The following WDR89 variants were observed in gnomAD, a reference collection of about 807,000 sequenced individuals.
WDR89 encodes the protein WD repeat domain 89.
In WDR89, 17 loss-of-function variants were observed where a neutral mutation model predicts 29.1. That is an observed-to-expected ratio of 0.58 (90% confidence interval 0.40 to 0.88). The LOEUF is 0.88. Ranked by LOEUF, WDR89 falls within the 40% of genes least tolerant of loss-of-function variation. The pLI is 0.00. For missense variants in WDR89, 396 were observed against 456.3 expected (o/e 0.87, Z 1.20); for synonymous variants, 138 against 157.8 (o/e 0.87, Z 0.94).
intron 1 of WDR89, among the ~76,000 whole-genome samples, chr14:63,627,501 T>C (rs1173078460): frequency 6.6e-6 from 1 of 152,178 alleles, no homozygotes; most frequent in Non-Finnish European, 1.5e-5. Flanking sequence ...TTTTGACAAA[T>C]ACATGTAATG....
intron 2 of WDR89, among the ~76,000 whole-genome samples, chr14:63,624,221 AC>A (rs1882890885): frequency 6.6e-6 from 1 of 152,114 alleles, no homozygotes; most frequent in Admixed American, 6.6e-5. Flanking sequence ...TAATCCCAGC[AC>A]TTTGGGAGGC....
In WDR89 at chr14:63,599,624, C is replaced by T; in HGVS notation, c.319G>A (p.Val107Ile). Residue 107 changes from valine (V) to isoleucine (I), a missense_variant, in exon 3 of 3, where the codon GTT (valine) becomes ATT (isoleucine). Physicochemically the swap from Val to Ile is conservative, Grantham distance 29 (BLOSUM62 3). Transcript: ENST00000620954. ...WDARVAREKPVQLFKGYPSNI... is the reference protein window; with the variant it reads ...WDARVAREKPIQLFKGYPSNI... ...GAAGGGTAACCCTTGAAGAGCTGAA[C>T]AGGTTTTTCTCTGGCTACTCGAGCA... 6.2e-7 allele frequency: 1 copy of T among 1,614,120 alleles called. No homozygotes were observed. The highest frequency in any genetic ancestry group is 8.5e-7 in the Non-Finnish European group (1 of 1,180,002).
chr14:63,599,874 G>A lies in WDR89; in HGVS notation c.69C>T (p.Pro23=). 3 of 1,613,882 alleles carry A rather than the reference G, an allele frequency of 1.9e-6. No individual in the cohort carries two copies. Among genetic ancestry groups the A allele is most frequent in the Non-Finnish European group, 2.5e-6 (3 of 1,179,936 alleles). ...IVKCSLGTKE[P]TYLLGIDTSK... ...ATGTGTCTATACCAAGAAGGTAAGTGGGCTCTTTGGTTCCTAAGGAACATT... is the reference window on the plus strand; with the variant it reads ...ATGTGTCTATACCAAGAAGGTAAGTAGGCTCTTTGGTTCCTAAGGAACATT... Residue 23 remains proline (P), a synonymous_variant, in exon 3 of 3, where the codon CCC becomes CCT. Transcript: ENST00000620954.
intron 2 of WDR89, among the ~76,000 whole-genome samples, chr14:63,622,675 A>G (rs1185492378): frequency 5.9e-5 from 9 of 151,756 alleles, no homozygotes; most frequent in Admixed American, 4.6e-4. Context: ...GCTGAGGCAC[A>G]AGAATTGCTT....
At chr14:63,637,787 C>A (rs773136482) in intron 1 of WDR89, among the ~76,000 whole-genome samples, 1 of 151,808 alleles carries the variant, frequency 6.6e-6, no homozygotes, top group Non-Finnish European at 1.5e-5. Context: ...ATACAATGGA[C>A]TTTGGGGACT....
At chr14:63,609,828 C>A (rs1173417704) in intron 2 of WDR89, among the ~76,000 whole-genome samples, 1 of 151,522 alleles carries the variant, frequency 6.6e-6, no homozygotes, top group Admixed American at 6.6e-5. Context: ...AAAACAAAAC[C>A]AAAAAAGCAT....
At chr14:63,614,299 TTTTC>T (rs2139522345) in intron 2 of WDR89, among the ~76,000 whole-genome samples, 1 of 151,406 alleles carries the variant, frequency 6.6e-6, no homozygotes, top group Non-Finnish European at 1.5e-5. Context: ...ATATCCTTTC[TTTTC>T]TTTTTTTCTT....
chr14:63,637,249 G>A (rs1437409818), intron 1 of WDR89, among the ~76,000 whole-genome samples: 1 of 152,086 alleles, frequency 6.6e-6, no homozygotes, highest in Non-Finnish European at 1.5e-5. Flanking sequence ...CATAAGTGAA[G>A]AATAAAAAAA....
At chr14:63,602,184 G>T (rs1895094556) in intron 2 of WDR89, among the ~76,000 whole-genome samples, 1 of 152,158 alleles carries the variant, frequency 6.6e-6, no homozygotes, top group Non-Finnish European at 1.5e-5. Context: ...CTACACAATA[G>T]ATGTAATAGG....
rs190725322 is a variant in WDR89, at chr14:63,605,828, C to T, written c.-31-5855G>A. On this transcript the variant is annotated intron_variant, in intron 2 of 2. Transcript: ENST00000620954. ...TTATTGAAAGGAAGTTAACTGTGAA[C>T]AGCCTCAGGCAAGTCCTTCAAAGCG... Among the ~76,000 whole-genome samples the T allele has an allele frequency of 1.1e-3, 172 of 152,258 alleles. 1 individual carries two copies. The highest frequency in any genetic ancestry group is 4.0e-3 in the African/African-American group (168 of 41,530).
At chr14:63,622,995 T>C (rs771542397) in intron 2 of WDR89, among the ~76,000 whole-genome samples, 1 of 148,688 alleles carries the variant, frequency 6.7e-6, no homozygotes, top group Non-Finnish European at 1.5e-5. Context: ...GACCTAGGAG[T>C]TCGAGACCAG....
At chr14:63,606,840 AC>A (rs1288581463) in intron 2 of WDR89, among the ~76,000 whole-genome samples, 2 of 152,208 alleles carry the variant, frequency 1.3e-5, no homozygotes, top group African/African-American at 4.8e-5. Flanking sequence ...GCTCAGAGAG[AC>A]TAATTTGCCC....
At position 63,599,786 on chromosome 14, in the gene WDR89, T is replaced by G; in HGVS notation, c.157A>C (p.Arg53=). ...VAVLCSNGSI[R]IYDKERLNVL... is the part of the protein sequence containing the mutation. ...TTTAACCTTTCTTTATCATATATTC[T>G]GATTGATCCATTAGAACATAAAACA... is the stretch of plus-strand genomic sequence containing the variant. The change falls in exon 3 of 3, where the codon AGA becomes CGA. Residue 53 remains arginine, a synonymous_variant. Transcript: ENST00000620954. 1 of 1,614,190 alleles carries G rather than the reference T, an allele frequency of 6.2e-7. No individual in the cohort carries two copies. Among genetic ancestry groups the G allele is most frequent in the Non-Finnish European group, 8.5e-7 (1 of 1,180,024 alleles).
At chr14:63,609,467 T>G (rs1881809999) in intron 2 of WDR89, among the ~76,000 whole-genome samples, 1 of 152,182 alleles carries the variant, frequency 6.6e-6, no homozygotes, top group Non-Finnish European at 1.5e-5. Context: ...AGATTTTATT[T>G]TTCATTTTAT....
At position 63,616,021 on chromosome 14, in the gene WDR89, T is replaced by C. The variant is rs148945533; in HGVS notation, c.-32+8907A>G. On this transcript the variant is annotated intron_variant, in intron 2 of 2. Coordinates refer to ENST00000620954, the MANE Select transcript of WDR89 (RefSeq NM_080666.4). ...ACTTTGGGAGCCTGAGGAGGGTGGA[T>C]TGTTTGAGCCCAGGAGTTTGAGACC... is the stretch of plus-strand genomic sequence containing the variant. Among the ~76,000 whole-genome samples the C allele has an allele frequency of 1.7e-3, 251 of 151,972 alleles. 1 individual carries two copies. The highest frequency in any genetic ancestry group is 5.8e-3 in the African/African-American group (240 of 41,420).
intron 2 of WDR89, among the ~76,000 whole-genome samples, chr14:63,619,196 T>C (rs754700092): frequency 1.4e-4 from 21 of 152,110 alleles, no homozygotes; most frequent in Admixed American, 5.9e-4. Flanking sequence ...GAGAAAACTC[T>C]CCAGCATCCC....
chr14:63,601,549 G>T (rs982448519), intron 2 of WDR89: 14 of 1,579,852 alleles, frequency 8.9e-6, no homozygotes, highest in Non-Finnish European at 1.1e-5. Context: ...CTCTTTGACC[G>T]AGTATTGGTT....
intron 1 of WDR89, among the ~76,000 whole-genome samples, chr14:63,633,496 T>G (rs1883537424): frequency 6.6e-6 from 1 of 152,244 alleles, no homozygotes. Context: ...TTATAAATAT[T>G]TATTGACAGC....
intron 1 of WDR89, among the ~76,000 whole-genome samples, chr14:63,633,177 A>C (rs1566801354): frequency 6.6e-6 from 1 of 152,122 alleles, no homozygotes; most frequent in South Asian, 2.1e-4. Flanking sequence ...TCAAATGATA[A>C]CCTGCAGAAT....
Sources: gnomAD v4.1 joint callset for allele counts (sites outside exome capture counted in the v4.1 genomes callset) on GRCh38, gnomAD v4.1.1 for gene constraint, MANE v1.5 for transcripts, NCBI Gene and HGNC (gene_info 2026-07-23, HGNC 2026-07-21) for gene names.